The following SLC24A3 variants were observed in gnomAD, a reference collection of about 807,000 sequenced individuals.
SLC24A3 encodes sodium/potassium/calcium exchanger 3.
In SLC24A3, 28 loss-of-function variants were observed where a neutral mutation model predicts 75.8. The ratio of observed to expected loss-of-function variants is 0.37; its 90% CI spans 0.27 to 0.51. SLC24A3 has a LOEUF of 0.51. SLC24A3 is among the 20% of genes least tolerant of loss of function. The probability of loss-of-function intolerance (pLI) is 0.94; values close to 1 mark genes in which losing one functional copy is unlikely to be tolerated. For missense variants in SLC24A3, 663 were observed against 847.8 expected (o/e 0.78, Z 2.71); for synonymous variants, 372 against 334.1 (o/e 1.11, Z -1.24).
intron 2 of SLC24A3, among the ~76,000 whole-genome samples, chr20:19,444,873 G>T (rs1001242674): frequency 4.7e-5 from 6 of 128,594 alleles, no homozygotes; most frequent in African/African-American, 9.4e-5. Flanking sequence ...TCGGCTTTTT[G>T]TTGTTGTTGT....
At chr20:19,465,946 T>G (rs1018489756) in intron 2 of SLC24A3, among the ~76,000 whole-genome samples, 5 of 152,298 alleles carry the variant, frequency 3.3e-5, no homozygotes, top group South Asian at 4.1e-4. Context: ...TCTAGGAGCT[T>G]CTTCTGTGTA....
chr20:19,347,304 A>G (rs1985450788), intron 2 of SLC24A3, among the ~76,000 whole-genome samples: 1 of 152,210 alleles, frequency 6.6e-6, no homozygotes, highest in African/African-American at 2.4e-5. Flanking sequence ...TGATGGATAC[A>G]TGACATTACA....
intron 3 of SLC24A3, among the ~76,000 whole-genome samples, chr20:19,540,686 CTA>C (rs1218291767): frequency 2.0e-5 from 3 of 152,124 alleles, no homozygotes; most frequent in Admixed American, 1.3e-4. Context: ...CATTCTGCTT[CTA>C]TGTTTTAGTC....
rs539763282 is a variant in SLC24A3 at position 19,629,461 on chromosome 20, GAAGA to G, written c.613-24593_613-24590del. On this transcript the variant is annotated intron_variant, in intron 6 of 16. Coordinates refer to ENST00000328041, the MANE Select transcript of SLC24A3 (RefSeq NM_020689.4). ...TACACATCATGGGAGTTCAGAAGGA[GAAGA>G]AAGAAAGGACAGAGAGCCTATTTGA... Among the ~76,000 whole-genome samples, 17 of 152,304 alleles carry G rather than the reference GAAGA, an allele frequency of 1.1e-4. No homozygotes were observed. In the East Asian group the frequency reaches 2.1e-3, roughly 19 times the overall value.
At chr20:19,710,144 T>G (rs1020975079) in intron 15 of SLC24A3, among the ~76,000 whole-genome samples, 1 of 152,212 alleles carries the variant, frequency 6.6e-6, no homozygotes, top group African/African-American at 2.4e-5. Flanking sequence ...TGTTCCAAGT[T>G]AGAAATAAAT....
rs188886753 is a variant in SLC24A3 at position 19,485,583 on chromosome 20, G to A, written c.272-29905G>A. ...TCCTTTTGAAGGCTACTTTTTGAAA[G>A]CATGTGTTATTTATTTGTAACAAAT... On this transcript the variant is annotated intron_variant, in intron 2 of 16. Coordinates refer to ENST00000328041, the MANE Select transcript of SLC24A3 (RefSeq NM_020689.4). 8.0e-4 allele frequency among the ~76,000 whole-genome samples: 122 copies of A among 152,214 alleles called. 2 individuals are homozygous for A. The East Asian group carries it at 0.016, about 20-fold the overall frequency.
intron 2 of SLC24A3, among the ~76,000 whole-genome samples, chr20:19,287,285 T>G (rs1031314527): frequency 1.2e-4 from 19 of 152,208 alleles, no homozygotes; most frequent in African/African-American, 3.1e-4. Flanking sequence ...GGAAAGAGCA[T>G]GGAGGATTTG....
At chr20:19,668,817 A>G (rs774191923) in intron 8 of SLC24A3, among the ~76,000 whole-genome samples, 1 of 152,174 alleles carries the variant, frequency 6.6e-6, no homozygotes, top group Non-Finnish European at 1.5e-5. Flanking sequence ...AGTGCCCCGG[A>G]TGTAGGTGGT....
At chr20:19,302,141 C>G (rs889516043) in intron 2 of SLC24A3, among the ~76,000 whole-genome samples, 20 of 152,182 alleles carry the variant, frequency 1.3e-4, no homozygotes, top group African/African-American at 4.8e-4. Flanking sequence ...CTTCTAACCA[C>G]CTTCCTAAAC....
chr20:19,303,903 C>T (rs376140089), intron 2 of SLC24A3, among the ~76,000 whole-genome samples: 1 of 152,138 alleles, frequency 6.6e-6, no homozygotes, highest in Non-Finnish European at 1.5e-5. Context: ...ACTATTCACC[C>T]ATGGCTTCTG....
intron 2 of SLC24A3, among the ~76,000 whole-genome samples, chr20:19,429,715 A>G (rs1032323415): frequency 6.6e-6 from 1 of 152,074 alleles, no homozygotes; most frequent in East Asian, 1.9e-4. Flanking sequence ...GACTCTATAT[A>G]TGGTCATCCG....
chr20:19,218,396 C>A (rs559828571), intron 1 of SLC24A3, among the ~76,000 whole-genome samples: 13 of 152,280 alleles, frequency 8.5e-5, no homozygotes, highest in Admixed American at 7.2e-4. Flanking sequence ...GATTTGAACC[C>A]AAGTCCACCT....
At chr20:19,634,422 A>G (rs2031974723) in intron 6 of SLC24A3, among the ~76,000 whole-genome samples, 1 of 152,148 alleles carries the variant, frequency 6.6e-6, no homozygotes, top group African/African-American at 2.4e-5. Context: ...TTTAAAATAT[A>G]TAGATCCAAA....
intron 2 of SLC24A3, among the ~76,000 whole-genome samples, chr20:19,392,889 C>T (rs925033399): frequency 2.6e-5 from 4 of 152,096 alleles, no homozygotes; most frequent in African/African-American, 9.7e-5. Context: ...TGAGCCTTTC[C>T]CTTCTTGCAA....
chr20:19,235,563 G>A (rs549810460), intron 1 of SLC24A3, among the ~76,000 whole-genome samples: 8 of 152,236 alleles, frequency 5.3e-5, no homozygotes, highest in South Asian at 2.1e-4. Flanking sequence ...CCTTCACAGC[G>A]TCTCTCCCAT....
intron 2 of SLC24A3, among the ~76,000 whole-genome samples, chr20:19,392,162 A>G (rs1986378029): frequency 6.6e-6 from 1 of 151,720 alleles, no homozygotes; most frequent in African/African-American, 2.4e-5. Flanking sequence ...AGGAATTAAG[A>G]TTTATATCTT....
intron 2 of SLC24A3, among the ~76,000 whole-genome samples, chr20:19,329,522 G>A (rs759387514): frequency 2.0e-5 from 3 of 152,176 alleles, no homozygotes; most frequent in Non-Finnish European, 4.4e-5. Flanking sequence ...CATTTCATAT[G>A]CTCAAGAAAG....
chr20:19,367,488 G>GT (rs1431907144), intron 2 of SLC24A3, among the ~76,000 whole-genome samples: 1 of 107,894 alleles, frequency 9.3e-6, no homozygotes, highest in Admixed American at 1.0e-4. Flanking sequence ...AAGAAGCCCT[G>GT]CCTTTTTTTT....
chr20:19,220,805 G>A (rs1287426038), intron 1 of SLC24A3, among the ~76,000 whole-genome samples: 3 of 152,202 alleles, frequency 2.0e-5, no homozygotes, highest in Non-Finnish European at 2.9e-5. Context: ...CATGCTCCCA[G>A]TTGTGGCCTG....
Sources: gnomAD v4.1 joint callset for allele counts (sites outside exome capture counted in the v4.1 genomes callset) on GRCh38, gnomAD v4.1.1 for gene constraint, MANE v1.5 for transcripts, NCBI Gene and HGNC (gene_info 2026-07-23, HGNC 2026-07-21) for gene names.